Variants in GHRHR observed in about 807,000 individuals in gnomAD.
GHRHR encodes growth hormone releasing hormone receptor.
In GHRHR, 40 loss-of-function variants were observed where a neutral mutation model predicts 58.3. The observed-to-expected ratio is 0.69, with a 90% CI of 0.53 to 0.89. GHRHR has a LOEUF of 0.89. Among genes scored for constraint, GHRHR ranks in the 40% least tolerant of loss-of-function variants. The pLI, the probability that GHRHR is intolerant of heterozygous loss-of-function variation, is 0.00. For missense variants in GHRHR, 551 were observed against 541.3 expected (o/e 1.02, Z -0.18); for synonymous variants, 249 against 216.6 (o/e 1.15, Z -1.31).
In GHRHR at chr7:30,969,118, G is replaced by T. The variant is rs1730131670; in HGVS notation, c.216G>T (p.Glu72Asp). Residue 72 changes from glutamate to aspartate, a missense_variant, in exon 3 of 13, where the codon GAG becomes GAT. Physicochemically the swap from Glu to Asp is conservative, Grantham distance 45. Coordinates refer to ENST00000326139, the MANE Select transcript of GHRHR (RefSeq NM_000823.4). ...GCTGGCCAACGGCAGGCTCTGGCGA[G>T]TGGGTCACCCTCCCCTGCCCGGATT... ...LLCWPTAGSG[E>D]WVTLPCPDFF... is the part of the protein sequence containing the mutation. 1 of 1,579,446 alleles carries T rather than the reference G, an allele frequency of 6.3e-7. No homozygotes were observed. The highest frequency in any genetic ancestry group is 8.6e-7 in the Non-Finnish European group (1 of 1,162,592).
At chr7:30,973,750 G>A (rs1792520925) in intron 6 of GHRHR, among the ~76,000 whole-genome samples, 1 of 152,174 alleles carries the variant, frequency 6.6e-6, no homozygotes, top group African/African-American at 2.4e-5. Flanking sequence ...AAGGTGTGAG[G>A]AGATTTGCAC....
chr7:30,975,259 C>G (rs1792555411), intron 9 of GHRHR, among the ~76,000 whole-genome samples: 1 of 152,088 alleles, frequency 6.6e-6, no homozygotes, highest in South Asian at 2.1e-4. Flanking sequence ...GCAGGCTGTT[C>G]CAGCTCAATT....
intron 1 of GHRHR, among the ~76,000 whole-genome samples, chr7:30,967,039 A>G (rs1792372881): frequency 6.7e-6 from 1 of 148,886 alleles, no homozygotes; most frequent in Non-Finnish European, 1.5e-5. Context: ...CTGGGGGAAC[A>G]GACATCTACA....
intron 6 of GHRHR, among the ~76,000 whole-genome samples, chr7:30,973,214 G>A (rs894487037): frequency 6.6e-6 from 1 of 152,156 alleles, no homozygotes; most frequent in Non-Finnish European, 1.5e-5. Context: ...CATCCTCATC[G>A]TCTTTATGTT....
intron 3 of GHRHR, chr7:30,969,458 G>A: frequency 1.7e-6 from 1 of 593,728 alleles, no homozygotes. Flanking sequence ...GGGTGGAGGA[G>A]GGCAGGCCTG....
chr7:30,969,397 T>C, intron 3 of GHRHR: 2 of 611,140 alleles, frequency 3.3e-6, no homozygotes, highest in East Asian at 5.6e-5. Context: ...GCAGAACCTG[T>C]AAGTGCTGGA....
chr7:30,975,902 A>C (rs764619648), intron 10 of GHRHR, 34 bp downstream of exon 10: 1 of 1,200,804 alleles, frequency 8.3e-7, no homozygotes, highest in Admixed American at 1.7e-5. Flanking sequence ...ATACTGGGAA[A>C]GGGTAACTGG....
In GHRHR at chr7:30,972,110, T is replaced by C; in HGVS notation, c.597+15T>C. On this transcript the variant is annotated intron_variant, in intron 6 of 12. Coordinates refer to ENST00000326139, the MANE Select transcript of GHRHR (RefSeq NM_000823.4). ...GCTTCTCCACTGTAATGGCCATGGG[T>C]GAAGGGGCTGGGCAGGTGGGGGAGA... 1 of 1,613,498 alleles carries C rather than the reference T, an allele frequency of 6.2e-7. No individual in the cohort carries two copies. Among genetic ancestry groups the C allele is most frequent in the Non-Finnish European group, 8.5e-7 (1 of 1,179,882 alleles).
In GHRHR at chr7:30,975,037, C is replaced by G; in HGVS notation, c.879C>G (p.Val293=). The G allele has an allele frequency of 1.2e-6, 2 of 1,607,510 alleles. No individual in the cohort carries two copies. Among genetic ancestry groups the G allele is most frequent in the South Asian group, 1.1e-5 (1 of 90,970 alleles). ...TCAAAGGGCCCATTGTCCTCTCGGT[C>G]GGGGTCAGTCCCTGGGCCAGTGCCC... is the stretch of plus-strand genomic sequence containing the variant. ...WIIKGPIVLS[V]GVNFGLFLNI... Residue 293 remains valine (V), a synonymous_variant, in exon 9 of 13, where the codon GTC becomes GTG. Coordinates refer to ENST00000326139, the MANE Select transcript of GHRHR (RefSeq NM_000823.4).
chr7:30,970,079 AG>A (rs1341745515), intron 4 of GHRHR, 115 bp downstream of exon 4: 2 of 755,938 alleles, frequency 2.6e-6, no homozygotes, highest in East Asian at 4.9e-5. Context: ...TACTTACAGC[AG>A]TTTTCCAGCA....
chr7:30,978,144 G>A (rs1792623792), intron 12 of GHRHR, among the ~76,000 whole-genome samples: 1 of 152,164 alleles, frequency 6.6e-6, no homozygotes, highest in African/African-American at 2.4e-5. Context: ...CTTCGCTGTG[G>A]AGTTTTGCTC....
chr7:30,970,196 G>T (rs1232207976), intron 4 of GHRHR, among the ~76,000 whole-genome samples: 1 of 152,188 alleles, frequency 6.6e-6, no homozygotes, highest in African/African-American at 2.4e-5. Context: ...AGGGCAGGTG[G>T]GAGATCTGCC....
intron 11 of GHRHR, among the ~76,000 whole-genome samples, chr7:30,976,837 C>T (rs1792595199): frequency 6.6e-6 from 1 of 151,866 alleles, no homozygotes; most frequent in South Asian, 2.1e-4. Flanking sequence ...CCCATCCATC[C>T]ATCCATCCAT....
At chr7:30,968,612 C>CCTT in intron 1 of GHRHR, among the ~76,000 whole-genome samples, 1 of 93,028 alleles carries the variant, frequency 1.1e-5, no homozygotes, top group Non-Finnish European at 2.0e-5. Flanking sequence ...CTCTCTCCCT[C>CCTT]CCTCCCTCCC....
rs2074780 is a variant in GHRHR at position 30,974,242 on chromosome 7, G to T, written c.751+104G>T. The T allele has an allele frequency of 0.042, 55,283 of 1,319,858 alleles. 2,819 individuals are homozygous for T. The highest frequency in any genetic ancestry group is 0.24 in the African/African-American group (16,366 of 68,836). 81.8% of individuals were successfully genotyped at this position (1,319,858 alleles called of 1,614,324 possible). On this transcript the variant is annotated intron_variant, in intron 7 of 12. Transcript: ENST00000326139. Reference sequence around the variant, plus strand: ...CCACCTCACTCTGAGGCCCAGAGAAGGAGAGGGACAGGCCACAGTCCGGCA... The same window carrying T: ...CCACCTCACTCTGAGGCCCAGAGAATGAGAGGGACAGGCCACAGTCCGGCA...
At chr7:30,965,459 A>G (rs956459834) in intron 1 of GHRHR, among the ~76,000 whole-genome samples, 1 of 152,154 alleles carries the variant, frequency 6.6e-6, no homozygotes, top group Non-Finnish European at 1.5e-5. Flanking sequence ...GTGTTTCGCC[A>G]GTCCTAATTC....
chr7:30,965,886 G>A (rs1792338301), intron 1 of GHRHR, among the ~76,000 whole-genome samples: 2 of 152,240 alleles, frequency 1.3e-5, no homozygotes, highest in South Asian at 4.1e-4. Flanking sequence ...TCTGTTGGGA[G>A]ATGTAGGGGA....
chr7:30,972,265 C>T lies in GHRHR; in HGVS notation c.597+170C>T, dbSNP rs1792496365. The T allele has an allele frequency of 1.0e-5, 7 of 670,588 alleles. No individual in the cohort carries two copies. In the South Asian group the frequency reaches 1.2e-4, roughly 12 times the overall value. The allele number at this position is 670,588 out of a possible 1,614,324, so 41.5% of individuals were successfully genotyped here. A position where few individuals can be genotyped will look rare whatever the true frequency, so the allele number is the denominator to read the frequency against. On this transcript the variant is annotated intron_variant, in intron 6 of 12. Transcript: ENST00000326139. ...CCTTTCCCATGTCACCCCCTAAGTC[C>T]TCACGCCTTTCCTGGACTGTGGTGT...
chr7:30,968,456 G>A (rs1489875569), intron 1 of GHRHR, among the ~76,000 whole-genome samples: 1 of 151,992 alleles, frequency 6.6e-6, no homozygotes, highest in Non-Finnish European at 1.5e-5. Context: ...CCAAACCTAG[G>A]CAGACCTAGG....
Sources: gnomAD v4.1 joint callset for allele counts (sites outside exome capture counted in the v4.1 genomes callset) on GRCh38, gnomAD v4.1.1 for gene constraint, MANE v1.5 for transcripts, NCBI Gene and HGNC (gene_info 2026-07-23, HGNC 2026-07-21) for gene names.